Variants in FAM222A observed in about 807,000 individuals in gnomAD.
FAM222A encodes family with sequence similarity 222 member A, also known as protein FAM222A.
A neutral mutation model predicts 25.8 loss-of-function variants in FAM222A; 7 were observed. The ratio of observed to expected loss-of-function variants is 0.27; its 90% CI spans 0.15 to 0.51. FAM222A has a LOEUF of 0.51. Ranked by LOEUF, FAM222A falls within the 20% of genes least tolerant of loss-of-function variation. FAM222A has a pLI of 0.97. For missense variants in FAM222A, 573 were observed against 640.5 expected (o/e 0.89, Z 1.14); for synonymous variants, 294 against 298.8 (o/e 0.98, Z 0.17).
intron 2 of FAM222A, among the ~76,000 whole-genome samples, chr12:109,755,339 T>G (rs1888694685): frequency 9.9e-6 from 1 of 100,666 alleles, no homozygotes; most frequent in Admixed American, 1.5e-4. Context: ...TGAGACAGAG[T>G]TTCACTCTTG....
chr12:109,726,311 C>T (rs1887842807), intron 1 of FAM222A, among the ~76,000 whole-genome samples: 1 of 152,082 alleles, frequency 6.6e-6, no homozygotes, highest in Non-Finnish European at 1.5e-5. Context: ...GCCCAGCGGT[C>T]AGGATTTCAA....
chr12:109,736,700 T>G (rs943374887), intron 1 of FAM222A, among the ~76,000 whole-genome samples: 2 of 152,238 alleles, frequency 1.3e-5, no homozygotes, highest in Non-Finnish European at 2.9e-5. Context: ...TAATCTGTCA[T>G]GCCGTCCCCA....
chr12:109,762,398 C>T (rs1888923594), intron 2 of FAM222A, among the ~76,000 whole-genome samples: 1 of 152,174 alleles, frequency 6.6e-6, no homozygotes, highest in Non-Finnish European at 1.5e-5. Context: ...GAACATATTC[C>T]AGGTGGAAGG....
At chr12:109,743,911 C>A in intron 1 of FAM222A, 190 bp from the exon 2 acceptor site, 1 of 985,454 alleles carries the variant, frequency 1.0e-6, no homozygotes, top group Non-Finnish European at 1.2e-6. Context: ...TGTCCCTTCC[C>A]ATGAGGCCAC....
chr12:109,732,660 G>C (rs1343071752), intron 1 of FAM222A, among the ~76,000 whole-genome samples: 1 of 152,246 alleles, frequency 6.6e-6, no homozygotes, highest in African/African-American at 2.4e-5. Context: ...CATCCTCTGG[G>C]CCCACTTTTC....
chr12:109,743,476 G>A (rs1282941368), intron 1 of FAM222A, among the ~76,000 whole-genome samples: 1 of 152,322 alleles, frequency 6.6e-6, no homozygotes, highest in Non-Finnish European at 1.5e-5. Flanking sequence ...GGGATCTCGG[G>A]TCAGGGCAGC....
chr12:109,716,567 C>T (rs1374689191), intron 1 of FAM222A, among the ~76,000 whole-genome samples: 2 of 152,160 alleles, frequency 1.3e-5, no homozygotes, highest in Non-Finnish European at 2.9e-5. Flanking sequence ...CTTCCAAGGA[C>T]AGAGGAGCAA....
intron 1 of FAM222A, among the ~76,000 whole-genome samples, chr12:109,731,378 G>A (rs906824164): frequency 1.3e-5 from 2 of 152,148 alleles, no homozygotes; most frequent in Non-Finnish European, 2.9e-5. Context: ...CCACAGCACA[G>A]CCATGCCATG....
In FAM222A at chr12:109,769,516, G is replaced by A. The variant is rs1889183038; in HGVS notation, c.*228G>A. ...ATCGGTTGCCCCAGGACACAGTGAG[G>A]GCCTGGGGGCAGCCACTGACGCCCA... On this transcript the variant is annotated 3_prime_UTR_variant, in exon 3 of 3. Coordinates refer to ENST00000538780, the MANE Select transcript of FAM222A (RefSeq NM_032829.3). The A allele has an allele frequency of 3.5e-6, 2 of 573,610 alleles. No individual in the cohort carries two copies. Among genetic ancestry groups the A allele is most frequent in the South Asian group, 4.9e-5 (2 of 40,802 alleles). The allele number at this position is 573,610 out of a possible 1,614,324, so 35.5% of individuals were successfully genotyped here.
intron 1 of FAM222A, among the ~76,000 whole-genome samples, chr12:109,721,569 T>A (rs1363033822): frequency 6.6e-6 from 1 of 152,232 alleles, no homozygotes; most frequent in South Asian, 2.1e-4. Context: ...GCCTGTGAGC[T>A]GAAACCAGTT....
intron 2 of FAM222A, among the ~76,000 whole-genome samples, chr12:109,766,906 A>ATTTTTTTGAGACAAGGTCTGGCC (rs1889066951): frequency 1.3e-5 from 2 of 151,670 alleles, no homozygotes; most frequent in Non-Finnish European, 2.9e-5. Context: ...ATTTACTTTT[A>ATTTTTTTGAGACAAGGTCTGGCC]TTTTTTTGAG....
At position 109,770,351 on chromosome 12, in the gene FAM222A, A is replaced by G. The variant is rs779209565; in HGVS notation, c.*1063A>G. 3.3e-5 allele frequency: 5 copies of G among 152,658 alleles called. No individual in the cohort carries two copies. Among genetic ancestry groups the G allele is most frequent in the African/African-American group, 4.8e-5 (2 of 41,462 alleles). 9.5% of individuals were successfully genotyped at this position (152,658 alleles called of 1,614,324 possible). ...GGAAGCGGTACTGTATCTCTCTCCA[A>G]GGCCTGGTCAAGCACTAAGTGCATT... On this transcript the variant is annotated 3_prime_UTR_variant, in exon 3 of 3. Coordinates refer to ENST00000538780, the MANE Select transcript of FAM222A (RefSeq NM_032829.3).
intron 2 of FAM222A, chr12:109,744,650 C>G: frequency 5.1e-6 from 5 of 985,452 alleles, no homozygotes; most frequent in Non-Finnish European, 6.0e-6. Context: ...TTCCTTCCCT[C>G]TCTGGCCTTG....
At chr12:109,737,187 C>G (rs1220231026) in intron 1 of FAM222A, among the ~76,000 whole-genome samples, 1 of 152,072 alleles carries the variant, frequency 6.6e-6, no homozygotes, top group East Asian at 1.9e-4. Context: ...AGTCCTTCTG[C>G]TCAAAAGTCC....
chr12:109,733,654 C>T (rs1477344496), intron 1 of FAM222A, among the ~76,000 whole-genome samples: 12 of 152,242 alleles, frequency 7.9e-5, no homozygotes, highest in Admixed American at 4.6e-4. Context: ...CTGCCCATCT[C>T]GGCCTCCCAA....
chr12:109,752,924 G>A (rs1888601175), intron 2 of FAM222A, among the ~76,000 whole-genome samples: 1 of 152,190 alleles, frequency 6.6e-6, no homozygotes, highest in Admixed American at 6.5e-5. Flanking sequence ...AGGAGTTGGG[G>A]CGGCAGGCTG....
intron 2 of FAM222A, among the ~76,000 whole-genome samples, chr12:109,752,194 C>T (rs1367859752): frequency 6.6e-6 from 1 of 152,236 alleles, no homozygotes; most frequent in Non-Finnish European, 1.5e-5. Context: ...GCCCTTCCTT[C>T]CTGCTCCAAA....
chr12:109,744,944 C>T (rs1042176441), intron 2 of FAM222A: 6 of 223,172 alleles, frequency 2.7e-5, no homozygotes, highest in Non-Finnish European at 4.5e-5. Flanking sequence ...TCACCGCGGT[C>T]CCCACCCCTC....
chr12:109,768,983 G>A lies in FAM222A; in HGVS notation c.1054G>A (p.Val352Met). Residue 352 changes from valine (V) to methionine (M), a missense_variant, in exon 3 of 3, where the codon GTG (valine) becomes ATG (methionine). Val to Met is a conservative substitution (Grantham distance 21, BLOSUM62 1). This residue lies in a region of FAM222A where 412 missense variants were observed against 407.0 expected (regional missense o/e 1.01). Coordinates refer to ENST00000538780, the MANE Select transcript of FAM222A (RefSeq NM_032829.3). Reference sequence around the variant, plus strand: ...GTACTTTGCGGCCCCGTGGAACAGTGTGCTGGTGACACCCACCAGCGACTG... The same window carrying A: ...GTACTTTGCGGCCCCGTGGAACAGTATGCTGGTGACACCCACCAGCGACTG... Reference protein sequence around the residue: ...GQYFAAPWNSVLVTPTSDCYN... With the variant: ...GQYFAAPWNSMLVTPTSDCYN... 4 of 1,573,540 alleles carry A rather than the reference G, an allele frequency of 2.5e-6. No individual in the cohort carries two copies. The highest frequency in any genetic ancestry group is 2.7e-5 in the African/African-American group (2 of 74,254).
Sources: allele counts gnomAD v4.1 joint callset (sites outside exome capture counted in the v4.1 genomes callset), GRCh38; gene constraint gnomAD v4.1.1; regional missense constraint gnomAD v4.1.1; transcripts MANE v1.5; gene names NCBI Gene and HGNC (gene_info 2026-07-23, HGNC 2026-07-21).